Variants in CLEC16A observed in about 807,000 individuals in gnomAD.
CLEC16A encodes the protein C-type lectin domain containing 16A, also known as protein CLEC16A.
In CLEC16A, 51 loss-of-function variants were observed where a neutral mutation model predicts 109.5. The observed-to-expected ratio is 0.47, with a 90% CI of 0.37 to 0.59. The LOEUF (loss-of-function observed/expected upper bound fraction) is 0.59. CLEC16A is among the 20% of genes least tolerant of loss of function. The probability of loss-of-function intolerance (pLI) is 0.00; values close to 1 mark genes in which losing one functional copy is unlikely to be tolerated. For synonymous variants in CLEC16A, 673 were observed against 564.2 expected, an observed-to-expected ratio of 1.19 and a Z score of -2.73; for missense variants, 1,339 against 1,394.0, an observed-to-expected ratio of 0.96 and a Z score of 0.63.
chr16:11,123,681 C>G (rs1031970774), intron 20 of CLEC16A, 61 bp from the exon 21 acceptor site: 1 of 1,532,026 alleles, frequency 6.5e-7, no homozygotes, highest in African/African-American at 1.4e-5. Flanking sequence ...GATGCCACAG[C>G]TCCTAGCCAC....
chr16:11,166,156 T>A (rs1221941418), intron 22 of CLEC16A, among the ~76,000 whole-genome samples: 3 of 152,224 alleles, frequency 2.0e-5, no homozygotes, highest in Non-Finnish European at 4.4e-5. Flanking sequence ...CACACTCAGC[T>A]CTGTGGCTGG....
intron 13 of CLEC16A, among the ~76,000 whole-genome samples, chr16:11,030,732 C>A (rs1325800912): frequency 6.6e-6 from 1 of 152,176 alleles, no homozygotes; most frequent in Non-Finnish European, 1.5e-5. Flanking sequence ...GCAACCTCCG[C>A]CTCCCAGGTT....
chr16:11,077,964 C>CGTGTGT lies in CLEC16A; in HGVS notation c.2116+16983_2116+16988dup, dbSNP rs34576806. On this transcript the variant is annotated intron_variant, in intron 19 of 23. Coordinates refer to ENST00000409790, the MANE Select transcript of CLEC16A (RefSeq NM_015226.3). ...GAAACTCCATCTCTACAAAAAAAAACGTGTGTGTGTGTGTGTGTGTGTGTG... is the reference window on the plus strand; with the variant it reads ...GAAACTCCATCTCTACAAAAAAAAACGTGTGTGTGTGTGTGTGTGTGTGTGTGTGTG... 9.9e-3 allele frequency among the ~76,000 whole-genome samples: 1,344 copies of CGTGTGT among 135,602 alleles called. 11 individuals are homozygous for CGTGTGT. Among genetic ancestry groups the CGTGTGT allele is most frequent in the East Asian group, 0.048 (220 of 4,612 alleles). 89.0% of individuals were successfully genotyped at this position (135,602 alleles called of 152,430 possible).
At chr16:11,144,498 A>T (rs1203244713) in intron 22 of CLEC16A, among the ~76,000 whole-genome samples, 2 of 151,958 alleles carry the variant, frequency 1.3e-5, no homozygotes, top group Admixed American at 1.3e-4. Context: ...CCCTCAGCTG[A>T]GAGGGACCTA....
intron 22 of CLEC16A, among the ~76,000 whole-genome samples, chr16:11,154,706 C>T (rs954400800): frequency 6.6e-6 from 1 of 150,524 alleles, no homozygotes; most frequent in Non-Finnish European, 1.5e-5. Context: ...GGGCGGATCA[C>T]CTGAGGTCAG....
intron 15 of CLEC16A, 112 bp downstream of exon 15, chr16:11,042,475 C>T: frequency 1.3e-6 from 1 of 766,622 alleles, no homozygotes; most frequent in Admixed American, 2.5e-5. Context: ...TCATCGGTCA[C>T]CAGCTAGAAG....
At chr16:11,062,195 G>A (rs908123937) in intron 19 of CLEC16A, among the ~76,000 whole-genome samples, 1 of 152,144 alleles carries the variant, frequency 6.6e-6, no homozygotes, top group African/African-American at 2.4e-5. Flanking sequence ...AGAGGGAAGA[G>A]GCGACCCTCA....
At chr16:11,044,207 T>C in intron 16 of CLEC16A, 135 bp downstream of exon 16, 1 of 693,838 alleles carries the variant, frequency 1.4e-6, no homozygotes, top group Non-Finnish European at 2.1e-6. Context: ...ATAAAAATGC[T>C]CAATTTCATA....
intron 22 of CLEC16A, among the ~76,000 whole-genome samples, chr16:11,137,269 G>A (rs2053612821): frequency 1.3e-5 from 2 of 152,036 alleles, no homozygotes; most frequent in South Asian, 4.2e-4. Flanking sequence ...AGATGCCAAG[G>A]TGTGAAGGCC....
chr16:11,043,230 A>G (rs2047445872), intron 15 of CLEC16A, among the ~76,000 whole-genome samples: 1 of 152,066 alleles, frequency 6.6e-6, no homozygotes, highest in Non-Finnish European at 1.5e-5. Context: ...ACTAGTCTGG[A>G]CAACATAGTG....
intron 22 of CLEC16A, among the ~76,000 whole-genome samples, chr16:11,139,149 C>G (rs932217274): frequency 3.3e-5 from 5 of 152,126 alleles, no homozygotes; most frequent in African/African-American, 1.2e-4. Context: ...CTTGTTCTGT[C>G]CAGAAGGCCT....
intron 19 of CLEC16A, among the ~76,000 whole-genome samples, chr16:11,065,152 C>G (rs1457706571): frequency 2.0e-5 from 3 of 152,206 alleles, no homozygotes; most frequent in African/African-American, 7.2e-5. Context: ...TGAACAGGGA[C>G]AAGCAGGCTT....
At chr16:11,139,294 C>T (rs2153063339) in intron 22 of CLEC16A, among the ~76,000 whole-genome samples, 1 of 152,292 alleles carries the variant, frequency 6.6e-6, no homozygotes, top group Non-Finnish European at 1.5e-5. Context: ...GGTTCTGTTC[C>T]CACCTCCTGG....
intron 13 of CLEC16A, among the ~76,000 whole-genome samples, chr16:11,028,089 A>T (rs567556844): frequency 6.6e-6 from 1 of 152,206 alleles, no homozygotes; most frequent in Non-Finnish European, 1.5e-5. Flanking sequence ...AATCCCAGCT[A>T]CTCAGGAGGC....
chr16:11,005,326 G>T (rs574694162), intron 11 of CLEC16A, among the ~76,000 whole-genome samples: 65 of 152,274 alleles, frequency 4.3e-4, no homozygotes, highest in Non-Finnish European at 5.6e-4. Context: ...GCTGCCCTGG[G>T]CAGGGTACAA....
At chr16:11,120,807 T>TGCAA (rs1174866787) in intron 20 of CLEC16A, 41 bp downstream of exon 20, 1 of 1,392,390 alleles carries the variant, frequency 7.2e-7, no homozygotes, top group African/African-American at 1.9e-5. Context: ...CTCAGTTGGC[T>TGCAA]ACAAACACAC....
intron 13 of CLEC16A, among the ~76,000 whole-genome samples, chr16:11,033,127 C>G (rs535001978): frequency 6.6e-6 from 1 of 151,988 alleles, no homozygotes; most frequent in Non-Finnish European, 1.5e-5. Context: ...ATTATTTCAG[C>G]GCTAGAGCCA....
chr16:11,127,430 A>T (rs34540843), intron 22 of CLEC16A, among the ~76,000 whole-genome samples: 4 of 152,088 alleles, frequency 2.6e-5, no homozygotes, highest in Non-Finnish European at 5.9e-5. Flanking sequence ...CAAATTTCTC[A>T]TGTCTGTGTG....
intron 18 of CLEC16A, among the ~76,000 whole-genome samples, chr16:11,057,792 G>T (rs2048284124): frequency 6.6e-6 from 1 of 152,198 alleles, no homozygotes; most frequent in South Asian, 2.1e-4. Flanking sequence ...GGAGGTCAAG[G>T]AGTGTGGTTG....
Sources: allele counts gnomAD v4.1 joint callset (sites outside exome capture counted in the v4.1 genomes callset), GRCh38; gene constraint gnomAD v4.1.1; transcripts MANE v1.5; gene names NCBI Gene and HGNC (gene_info 2026-07-23, HGNC 2026-07-21).